Variants in CTNND2 observed in about 807,000 individuals in gnomAD.
The protein encoded by CTNND2 is catenin delta 2, also known as catenin delta-2.
A neutral mutation model predicts 144.4 loss-of-function variants in CTNND2; 22 were observed. That is an observed-to-expected ratio of 0.15 (90% CI 0.11 to 0.22). The LOEUF (loss-of-function observed/expected upper bound fraction) is 0.22, where lower values mean the gene tolerates loss of function less well. CTNND2 is among the 10% of genes least tolerant of loss of function. The pLI is 1.00. For synonymous variants in CTNND2, 751 were observed against 695.6 expected (o/e 1.08, Z -1.25); for missense variants, 1,353 against 1,618.8 (o/e 0.84, Z 2.82).
At chr5:11,389,035 C>T (rs191281393) in intron 6 of CTNND2, among the ~76,000 whole-genome samples, 8 of 152,210 alleles carry the variant, frequency 5.3e-5, no homozygotes, top group Non-Finnish European at 1.2e-4. Context: ...ATGTGTGACT[C>T]TGAAAATAAA....
chr5:11,713,583 CA>C (rs1165519277), intron 2 of CTNND2, among the ~76,000 whole-genome samples: 1,841 of 57,824 alleles, frequency 0.032, 11 homozygotes, highest in East Asian at 0.1. Context: ...GACTCCATCT[CA>C]AAAAAAAAAA....
intron 1 of CTNND2, among the ~76,000 whole-genome samples, chr5:11,735,335 C>G (rs1160039883): frequency 6.6e-6 from 1 of 151,996 alleles, no homozygotes; most frequent in East Asian, 1.9e-4. Context: ...AATGTTGTGC[C>G]CAGATAAAGA....
chr5:11,260,783 A>G (rs1395207491), intron 9 of CTNND2, among the ~76,000 whole-genome samples: 1 of 152,204 alleles, frequency 6.6e-6, no homozygotes, highest in Non-Finnish European at 1.5e-5. Flanking sequence ...GCAATCAACA[A>G]TTTGAAAAAA....
intron 13 of CTNND2, among the ~76,000 whole-genome samples, chr5:11,113,422 C>T (rs567266868): frequency 6.6e-6 from 1 of 152,190 alleles, no homozygotes; most frequent in African/African-American, 2.4e-5. Flanking sequence ...TTTCATGGTA[C>T]AATGCAGAAT....
At chr5:11,730,772 A>C (rs1223133662) in intron 2 of CTNND2, among the ~76,000 whole-genome samples, 1 of 152,168 alleles carries the variant, frequency 6.6e-6, no homozygotes, top group Non-Finnish European at 1.5e-5. Context: ...GAATTACTTT[A>C]TGTCCTTGTG....
At chr5:11,432,413 G>C (rs2149876517) in intron 3 of CTNND2, among the ~76,000 whole-genome samples, 1 of 152,290 alleles carries the variant, frequency 6.6e-6, no homozygotes, top group East Asian at 1.9e-4. Flanking sequence ...AATCCCAGGG[G>C]AGTGTTGGCA....
chr5:11,068,030 A>C (rs1471614921), intron 16 of CTNND2, among the ~76,000 whole-genome samples: 2 of 152,254 alleles, frequency 1.3e-5, no homozygotes, highest in African/African-American at 4.8e-5. Context: ...TTACATAAAT[A>C]ATATAAAGTT....
chr5:11,649,105 T>G lies in CTNND2; in HGVS notation c.174+83031A>C, dbSNP rs1200388255. Among the ~76,000 whole-genome samples the G allele has an allele frequency of 5.3e-5, 8 of 152,334 alleles. No homozygotes were observed. In the South Asian group the frequency reaches 1.7e-3, roughly 32 times the overall value. On this transcript the variant is annotated intron_variant, in intron 2 of 21. Coordinates refer to ENST00000304623, the MANE Select transcript of CTNND2 (RefSeq NM_001332.4). ...AAGTCAACTACCACTTCTGTATTTA[T>G]TTTTATGGGTCAAAGCATTGTATTA...
chr5:10,999,042 C>T (rs1464492889), intron 18 of CTNND2, among the ~76,000 whole-genome samples: 1 of 152,172 alleles, frequency 6.6e-6, no homozygotes, highest in African/African-American at 2.4e-5. Context: ...AGATCAATCA[C>T]CACTCATTAC....
chr5:11,076,718 T>C (rs1267396523), intron 16 of CTNND2, among the ~76,000 whole-genome samples: 1 of 152,228 alleles, frequency 6.6e-6, no homozygotes, highest in African/African-American at 2.4e-5. Flanking sequence ...CTAGTGCTAC[T>C]GTATGATTCT....
At chr5:11,089,545 A>G (rs1750546381) in intron 15 of CTNND2, among the ~76,000 whole-genome samples, 1 of 152,204 alleles carries the variant, frequency 6.6e-6, no homozygotes, top group African/African-American at 2.4e-5. Context: ...GAGATTTTAA[A>G]CTGTTTAATT....
rs560284685 is a variant in CTNND2, at chr5:11,721,835, C to T, written c.174+10301G>A. On this transcript the variant is annotated intron_variant, in intron 2 of 21. Coordinates refer to ENST00000304623, the MANE Select transcript of CTNND2 (RefSeq NM_001332.4). Reference sequence around the variant, plus strand: ...GTCTACTTCCCTGTAGCCCTGGTCACATGCATTCCCTTCCACCATAGTCCT... The same window carrying T: ...GTCTACTTCCCTGTAGCCCTGGTCATATGCATTCCCTTCCACCATAGTCCT... Among the ~76,000 whole-genome samples the T allele has an allele frequency of 3.6e-4, 55 of 152,328 alleles. 1 individual carries two copies. The highest frequency in any genetic ancestry group is 1.3e-3 in the African/African-American group (54 of 41,580).
At chr5:11,867,520 C>T (rs1795828152) in intron 1 of CTNND2, among the ~76,000 whole-genome samples, 2 of 152,128 alleles carry the variant, frequency 1.3e-5, no homozygotes, top group South Asian at 4.1e-4. Context: ...GGCAGAAAAT[C>T]CTGTGGCTAC....
intron 3 of CTNND2, among the ~76,000 whole-genome samples, chr5:11,449,334 T>C (rs1269827344): frequency 6.6e-6 from 1 of 152,240 alleles, no homozygotes; most frequent in Admixed American, 6.5e-5. Flanking sequence ...AAATGAATAG[T>C]GAATTCATGG....
At chr5:11,492,198 G>A (rs913506844) in intron 3 of CTNND2, among the ~76,000 whole-genome samples, 52 of 152,244 alleles carry the variant, frequency 3.4e-4, no homozygotes, top group African/African-American at 1.2e-3. Flanking sequence ...TACCACATGG[G>A]GCAGGTAAAC....
chr5:11,261,606 A>G (rs1159720920), intron 9 of CTNND2, among the ~76,000 whole-genome samples: 1 of 152,260 alleles, frequency 6.6e-6, no homozygotes, highest in Non-Finnish European at 1.5e-5. Context: ...GTGTTTCTCT[A>G]GCTCTGGATG....
intron 8 of CTNND2, among the ~76,000 whole-genome samples, chr5:11,354,729 A>C (rs900901498): frequency 6.6e-6 from 1 of 152,200 alleles, no homozygotes; most frequent in Admixed American, 6.5e-5. Flanking sequence ...ATCAGACTTA[A>C]ACTACGCTCC....
intron 2 of CTNND2, 42 bp from the exon 3 acceptor site, chr5:11,565,098 T>C (rs779833733): frequency 1.5e-5 from 21 of 1,389,794 alleles, no homozygotes; most frequent in Non-Finnish European, 2.1e-5. Context: ...ATCATCTACA[T>C]GACAGGTGAA....
intron 10 of CTNND2, among the ~76,000 whole-genome samples, chr5:11,206,201 T>G (rs1229267200): frequency 6.6e-6 from 1 of 152,208 alleles, no homozygotes; most frequent in Admixed American, 6.5e-5. Flanking sequence ...GGATTTAGGA[T>G]GTACGGTATA....
Sources: allele counts gnomAD v4.1 joint callset (sites outside exome capture counted in the v4.1 genomes callset), GRCh38; gene constraint gnomAD v4.1.1; transcripts MANE v1.5; gene names NCBI Gene and HGNC (gene_info 2026-07-23, HGNC 2026-07-21).